The following STARD13 variants were observed in gnomAD, a reference collection of about 807,000 sequenced individuals.
The protein encoded by STARD13 is stAR-related lipid transfer protein 13.
In STARD13, 62 loss-of-function variants were observed where a neutral mutation model predicts 106.4. That is an observed-to-expected ratio of 0.58 (90% CI 0.48 to 0.72). The LOEUF is 0.72. STARD13 is among the 30% of genes least tolerant of loss of function. The pLI is 0.00. For synonymous variants in STARD13, 565 were observed against 553.0 expected (o/e 1.02, Z -0.31); for missense variants, 1,387 against 1,424.0 (o/e 0.97, Z 0.42).
the STARD13 span, among the ~76,000 whole-genome samples, chr13:33,663,917 T>G: frequency 6.6e-6 from 1 of 152,198 alleles, no homozygotes; most frequent in Non-Finnish European, 1.5e-5. Flanking sequence ...GCACCGTTCC[T>G]CCGACTCTTT....
the STARD13 span, among the ~76,000 whole-genome samples, chr13:33,455,666 G>T: frequency 6.6e-6 from 1 of 152,282 alleles, no homozygotes; most frequent in African/African-American, 2.4e-5. Context: ...AGGCACGGTG[G>T]CTCACGCCTG....
At chr13:33,303,102 C>T (rs1054728239) in intron 1 of STARD13, among the ~76,000 whole-genome samples, 1 of 152,162 alleles carries the variant, frequency 6.6e-6, no homozygotes, top group Non-Finnish European at 1.5e-5. Flanking sequence ...AGACCTGACT[C>T]AGAGGCCCCC....
intron 1 of STARD13, among the ~76,000 whole-genome samples, chr13:33,174,911 C>T (rs575082637): frequency 3.0e-4 from 45 of 152,274 alleles, no homozygotes; most frequent in Non-Finnish European, 4.6e-4. Flanking sequence ...ATGTTGTAAA[C>T]AATCCTCACA....
At chr13:33,174,701 G>A (rs572574332) in intron 1 of STARD13, among the ~76,000 whole-genome samples, 9 of 152,306 alleles carry the variant, frequency 5.9e-5, no homozygotes, top group Admixed American at 1.3e-4. Flanking sequence ...ATAATCTAGC[G>A]TAAGCTAATG....
At chr13:33,123,241 C>G (rs1461604780) in intron 7 of STARD13, among the ~76,000 whole-genome samples, 1 of 152,072 alleles carries the variant, frequency 6.6e-6, no homozygotes, top group African/African-American at 2.4e-5. Context: ...ACTTACTGCT[C>G]TATTAGGAGG....
At chr13:33,518,994 C>G in the STARD13 span, among the ~76,000 whole-genome samples, 1 of 152,092 alleles carries the variant, frequency 6.6e-6, no homozygotes, top group Admixed American at 6.6e-5. Context: ...ATCTAAACCT[C>G]CTAGGCCCAT....
At chr13:33,645,365 G>A in the STARD13 span, among the ~76,000 whole-genome samples, 4 of 152,184 alleles carry the variant, frequency 2.6e-5, no homozygotes, top group African/African-American at 4.8e-5. Flanking sequence ...TTCACAGACA[G>A]CCAAGCTACC....
intron 1 of STARD13, among the ~76,000 whole-genome samples, chr13:33,207,255 C>G (rs1193691382): frequency 2.0e-5 from 3 of 152,154 alleles, no homozygotes; most frequent in Admixed American, 2.0e-4. Flanking sequence ...AAGCATAGGG[C>G]AGAGTGGGGC....
At chr13:33,153,690 T>G (rs188825304) in intron 3 of STARD13, among the ~76,000 whole-genome samples, 1 of 152,340 alleles carries the variant, frequency 6.6e-6, no homozygotes, top group East Asian at 1.9e-4. Flanking sequence ...CTGCCAGACT[T>G]TAGACTGGTC....
At chr13:33,189,753 C>T (rs1417476931) in intron 1 of STARD13, among the ~76,000 whole-genome samples, 1 of 151,838 alleles carries the variant, frequency 6.6e-6, no homozygotes, top group Non-Finnish European at 1.5e-5. Flanking sequence ...GACTCAGTTA[C>T]TCTCTCATGT....
the STARD13 span, among the ~76,000 whole-genome samples, chr13:33,576,770 C>G: frequency 2.0e-5 from 3 of 152,088 alleles, no homozygotes; most frequent in African/African-American, 7.2e-5. Context: ...AGACATATTA[C>G]AATATTTAAT....
chr13:33,462,112 T>C, the STARD13 span, among the ~76,000 whole-genome samples: 1 of 152,270 alleles, frequency 6.6e-6, no homozygotes, highest in South Asian at 2.1e-4. Flanking sequence ...TATCAACCAT[T>C]TCTCTCTACA....
At chr13:33,453,635 T>C in the STARD13 span, among the ~76,000 whole-genome samples, 1 of 152,246 alleles carries the variant, frequency 6.6e-6, no homozygotes, top group Non-Finnish European at 1.5e-5. Flanking sequence ...CTTTTATCTG[T>C]GTAAATGGAA....
chr13:33,240,570 A>G (rs537928241), intron 1 of STARD13, among the ~76,000 whole-genome samples: 5 of 152,264 alleles, frequency 3.3e-5, no homozygotes, highest in Admixed American at 1.3e-4. Flanking sequence ...CAATGTCTGC[A>G]GTTTTCAATG....
chr13:33,298,427 G>A lies in STARD13; in HGVS notation c.124+51863C>T, dbSNP rs181947744. Among the ~76,000 whole-genome samples the A allele has an allele frequency of 1.6e-4, 24 of 151,204 alleles. No homozygotes were observed. The East Asian group carries it at 4.5e-3, about 28-fold the overall frequency. ...GCTGGGATTACAGGCGTGAGCCACT[G>A]TGCCCAATCCCCATCTACACTTAAT... On this transcript the variant is annotated intron_variant, in intron 1 of 5. Coordinates refer to the STARD13 transcript ENST00000567873.
At chr13:33,201,365 T>G (rs797194) in intron 1 of STARD13, among the ~76,000 whole-genome samples, 86,689 of 152,110 alleles carry the variant, frequency 0.57, 26,456 homozygotes, top group African/African-American at 0.8. Flanking sequence ...AACCTATTTT[T>G]GTCAGTGATT....
the STARD13 span, among the ~76,000 whole-genome samples, chr13:33,407,667 T>C: frequency 2.0e-5 from 3 of 152,238 alleles, no homozygotes; most frequent in Non-Finnish European, 4.4e-5. Context: ...ATCCTTATTT[T>C]TGAGCTTAAA....
At chr13:33,106,232 CAACATGGCGAGGCCCTGTCTCTACAAA>C (rs1873681372) in intron 13 of STARD13, among the ~76,000 whole-genome samples, 1 of 152,198 alleles carries the variant, frequency 6.6e-6, no homozygotes, top group South Asian at 2.1e-4. Context: ...CCAGCCTGGC[CAACATGGCGAGGCCCTGTCTCTACAAA>C]AACATACAAA....
chr13:33,230,851 A>G (rs567103950), intron 1 of STARD13, among the ~76,000 whole-genome samples: 123 of 152,394 alleles, frequency 8.1e-4, no homozygotes, highest in African/African-American at 2.8e-3. Context: ...TGGAAGAACC[A>G]TAACTGCAAG....
Sources: gnomAD v4.1 joint callset for allele counts (sites outside exome capture counted in the v4.1 genomes callset) on GRCh38, gnomAD v4.1.1 for gene constraint, MANE v1.5 for transcripts, NCBI Gene and HGNC (gene_info 2026-07-23, HGNC 2026-07-21) for gene names.